DTWD2: variants seen among roughly 807,000 people sequenced by gnomAD.
DTWD2 encodes the protein tRNA-uridine aminocarboxypropyltransferase 2.
In DTWD2, 39 loss-of-function variants were observed where a neutral mutation model predicts 31.8. The ratio of observed to expected loss-of-function variants is 1.22; its 90% confidence interval spans 0.95 to 1.60. The LOEUF (loss-of-function observed/expected upper bound fraction) is 1.60, where lower values mean the gene tolerates loss of function less well. Among genes scored for constraint, DTWD2 ranks in the 40% most tolerant of loss-of-function variants. The probability of loss-of-function intolerance (pLI) is 0.00; values close to 1 mark genes in which losing one functional copy is unlikely to be tolerated. For synonymous variants in DTWD2, 180 were observed against 142.8 expected, an observed-to-expected ratio of 1.26 and a Z score of -1.86; for missense variants, 515 against 381.5, an observed-to-expected ratio of 1.35 and a Z score of -2.92.
chr5:118,890,562 CTTTTTTTTTT>C (rs973397760), intron 4 of DTWD2, among the ~76,000 whole-genome samples: 5 of 71,252 alleles, frequency 7.0e-5, no homozygotes, highest in African/African-American at 2.4e-4. Flanking sequence ...TTAGGTTTTC[CTTTTTTTTTT>C]TTTTTTTTTT....
At position 118,928,670 on chromosome 5, in the gene DTWD2, G is replaced by A; in HGVS notation, c.464C>T (p.Ala155Val). 6.3e-7 allele frequency: 1 copy of A among 1,597,284 alleles called. No individual in the cohort carries two copies. The highest frequency in any genetic ancestry group is 8.5e-7 in the Non-Finnish European group (1 of 1,171,254). ...KSGTLILYPG[A>V]EAANLEEFIL... ...AAATTCTTCCAAATTAGCAGCTTCA[G>A]CCCCTGGATATAATATTAATGTACC... Residue 155 changes from alanine (A) to valine (V), a missense_variant, in exon 4 of 6, where the codon GCT becomes GTT. Physicochemically the swap from Ala to Val is moderately conservative, Grantham distance 64. Coordinates refer to ENST00000510708, the MANE Select transcript of DTWD2 (RefSeq NM_173666.4).
At chr5:118,968,986 C>A (rs1754919756) in intron 1 of DTWD2, among the ~76,000 whole-genome samples, 1 of 152,212 alleles carries the variant, frequency 6.6e-6, no homozygotes, top group Non-Finnish European at 1.5e-5. Context: ...TTCCAGCCTG[C>A]CGGCTCCTCT....
At chr5:118,931,177 A>C (rs1445065615) in intron 3 of DTWD2, among the ~76,000 whole-genome samples, 2 of 152,078 alleles carry the variant, frequency 1.3e-5, no homozygotes, top group Non-Finnish European at 2.9e-5. Flanking sequence ...AGCACTGCTT[A>C]AGCCCAAGAG....
intron 4 of DTWD2, among the ~76,000 whole-genome samples, chr5:118,884,692 T>C (rs190380588): frequency 2.2e-4 from 34 of 152,264 alleles, no homozygotes; most frequent in African/African-American, 7.7e-4. Flanking sequence ...CTCCGGATGG[T>C]CAAAATAAGC....
chr5:118,907,714 C>T lies in DTWD2; in HGVS notation c.597+20823G>A, dbSNP rs575968082. Among the ~76,000 whole-genome samples, 24 of 148,694 alleles carry T rather than the reference C, an allele frequency of 1.6e-4. No homozygotes were observed. The South Asian group carries it at 4.1e-3, about 25-fold the overall frequency. On this transcript the variant is annotated intron_variant, in intron 4 of 5. Coordinates refer to ENST00000510708, the MANE Select transcript of DTWD2 (RefSeq NM_173666.4). ...CCACTGCACTCAGCCTGGGTGACAG[C>T]GAGACTCCATATCAAAAAAAAAAAA... is the stretch of plus-strand genomic sequence containing the variant.
chr5:118,908,135 C>A (rs1054354882), intron 4 of DTWD2, among the ~76,000 whole-genome samples: 2 of 152,026 alleles, frequency 1.3e-5, no homozygotes, highest in African/African-American at 4.8e-5. Context: ...GAAGATGAAA[C>A]AGATGTAGTT....
intron 4 of DTWD2, among the ~76,000 whole-genome samples, chr5:118,916,851 C>T (rs1347573498): frequency 2.6e-5 from 4 of 152,116 alleles, no homozygotes; most frequent in Non-Finnish European, 5.9e-5. Flanking sequence ...TTGTCACTAA[C>T]TCTAGTGTCG....
At chr5:118,846,273 TTAG>T (rs538239557) in intron 5 of DTWD2, among the ~76,000 whole-genome samples, 6 of 151,898 alleles carry the variant, frequency 4.0e-5, no homozygotes, top group Admixed American at 1.3e-4. Context: ...ACCAGCAGAA[TTAG>T]TAGTAGTAGT....
At chr5:118,988,006 C>T (rs114644717) in intron 1 of DTWD2, 1 of 683,708 alleles carries the variant, frequency 1.5e-6, no homozygotes, top group African/African-American at 1.8e-5. Context: ...TCACCCCTTA[C>T]TTCCCCTATT....
At position 118,901,194 on chromosome 5, in the gene DTWD2, T is replaced by A. The variant is rs1580795704; in HGVS notation, c.597+27343A>T. Among the ~76,000 whole-genome samples the A allele has an allele frequency of 2.0e-5, 3 of 152,104 alleles. No homozygotes were observed. In the South Asian group the frequency reaches 6.2e-4, roughly 32 times the overall value. ...AAGATATTTTACCTGTATTTTTTGG[T>A]AGTCACAAGACAATCAACACCCTAT... is the stretch of plus-strand genomic sequence containing the variant. On this transcript the variant is annotated intron_variant, in intron 4 of 5. Coordinates refer to ENST00000510708, the MANE Select transcript of DTWD2 (RefSeq NM_173666.4).
chr5:118,919,879 T>C lies in DTWD2; in HGVS notation c.597+8658A>G, dbSNP rs138399671. ...GTGGCGTTTCACACTTCAAATAAAA[T>C]CTTAGGCTTATACATGTAAGATGTA... On this transcript the variant is annotated intron_variant, in intron 4 of 5. Transcript: ENST00000510708. Among the ~76,000 whole-genome samples, 855 of 152,304 alleles carry C rather than the reference T, an allele frequency of 5.6e-3. 9 individuals carry two copies. The highest frequency in any genetic ancestry group is 0.014 in the Middle Eastern group (4 of 294).
intron 1 of DTWD2, among the ~76,000 whole-genome samples, chr5:118,975,492 A>G (rs890296044): frequency 2.0e-5 from 3 of 152,078 alleles, no homozygotes; most frequent in Non-Finnish European, 4.4e-5. Context: ...GCTCGGAGGA[A>G]TTTGATATTA....
chr5:118,961,534 T>C (rs941184557), intron 1 of DTWD2, among the ~76,000 whole-genome samples: 6 of 152,184 alleles, frequency 3.9e-5, no homozygotes, highest in African/African-American at 7.2e-5. Context: ...TAAATAATGA[T>C]TGGACAAATA....
chr5:118,939,496 G>C (rs943917242), intron 2 of DTWD2, among the ~76,000 whole-genome samples: 1 of 151,940 alleles, frequency 6.6e-6, no homozygotes, highest in Admixed American at 6.6e-5. Flanking sequence ...TTCTATTTGG[G>C]TATGTTTTAC....
rs1423499658 is a variant in DTWD2, at chr5:118,988,320, C to G, written c.192G>C (p.Glu64Asp). The change falls in exon 1 of 6, where the codon GAG becomes GAC. Residue 64 changes from glutamate (E) to aspartate (D), a missense_variant. Coordinates refer to ENST00000510708, the MANE Select transcript of DTWD2 (RefSeq NM_173666.4). ...GLWELPVEPA[E>D]RRPECTRCSR... ...TGCAGCGGGTGCACTCAGGCCTCCG[C>G]TCGGCCGGCTCCACCGGCAGCTCCC... is the stretch of plus-strand genomic sequence containing the variant. 6.5e-7 allele frequency: 1 copy of G among 1,533,880 alleles called. No individual in the cohort carries two copies. Among genetic ancestry groups the G allele is most frequent in the South Asian group, 1.2e-5 (1 of 82,322 alleles).
chr5:118,977,572 G>A (rs1308945186), intron 1 of DTWD2, among the ~76,000 whole-genome samples: 7 of 152,140 alleles, frequency 4.6e-5, no homozygotes, highest in Admixed American at 6.5e-5. Flanking sequence ...AATCATGAAT[G>A]AACTCCCATT....
intron 1 of DTWD2, among the ~76,000 whole-genome samples, chr5:118,981,568 C>T (rs1755301451): frequency 6.6e-6 from 1 of 151,940 alleles, no homozygotes; most frequent in South Asian, 2.1e-4. Flanking sequence ...CCAACCCCTC[C>T]CTCTCTCTAA....
At chr5:118,973,991 G>T in intron 1 of DTWD2, 1 of 1,591,270 alleles carries the variant, frequency 6.3e-7, no homozygotes. Flanking sequence ...AGAGGAGGAG[G>T]AAGAAGGTGA....
intron 1 of DTWD2, among the ~76,000 whole-genome samples, chr5:118,977,065 A>G (rs562073683): frequency 6.6e-6 from 1 of 152,364 alleles, no homozygotes; most frequent in South Asian, 2.1e-4. Flanking sequence ...TCCATCACAT[A>G]AACAGAACCA....
Sources: allele counts gnomAD v4.1 joint callset (sites outside exome capture counted in the v4.1 genomes callset), GRCh38; gene constraint gnomAD v4.1.1; transcripts MANE v1.5; gene names NCBI Gene and HGNC (gene_info 2026-07-23, HGNC 2026-07-21).